OLR1: variants seen among roughly 807,000 people sequenced by gnomAD.
The protein encoded by OLR1 is oxidized low density lipoprotein receptor 1.
Under a neutral mutation model 31.7 loss-of-function variants are expected in OLR1, and 23 were observed. The ratio of observed to expected loss-of-function variants is 0.72; its 90% CI spans 0.52 to 1.03. The LOEUF (loss-of-function observed/expected upper bound fraction) is 1.03. Ranked by LOEUF, OLR1 falls within the 50% of genes least tolerant of loss-of-function variation. The pLI, the probability that OLR1 is intolerant of heterozygous loss-of-function variation, is 0.00. For missense variants in OLR1, 286 were observed against 315.7 expected (o/e 0.91, Z 0.71); for synonymous variants, 117 against 115.8 (o/e 1.01, Z -0.07).
At chr12:10,164,437 T>C (rs1430242246) in intron 3 of OLR1, among the ~76,000 whole-genome samples, 1 of 152,250 alleles carries the variant, frequency 6.6e-6, no homozygotes, top group Non-Finnish European at 1.5e-5. Flanking sequence ...ACAAAATTAC[T>C]TTTTATTATC....
intron 1 of OLR1, among the ~76,000 whole-genome samples, chr12:10,169,705 A>G (rs1484537349): frequency 6.6e-6 from 1 of 152,242 alleles, no homozygotes; most frequent in Non-Finnish European, 1.5e-5. Context: ...ATTTTATGCT[A>G]TTCAATTATG....
chr12:10,169,017 A>G, intron 2 of OLR1, 57 bp downstream of exon 2: 1 of 1,187,866 alleles, frequency 8.4e-7, no homozygotes, highest in East Asian at 2.4e-5. Context: ...ATATTTATTA[A>G]CCTCATTTCC....
At chr12:10,174,168 C>A (rs1948749373), upstream of OLR1, among the ~76,000 whole-genome samples, 1 of 152,148 alleles carries the variant, frequency 6.6e-6, no homozygotes, top group African/African-American at 2.4e-5. Flanking sequence ...TCAAGCAATT[C>A]TCCTGCCTCA....
chr12:10,160,549 AAAG>A, intron 4 of OLR1, 87 bp from the exon 5 acceptor site: 1 of 1,105,340 alleles, frequency 9.0e-7, no homozygotes, highest in Non-Finnish European at 1.3e-6. Flanking sequence ...CCACAAAACT[AAAG>A]AACCAAAAGG....
Position 10,166,870 on chromosome 12 carries a change from T to G in OLR1, c.266A>C (p.Gln89Pro). Residue 89 changes from glutamine (Q) to proline (P), a missense_variant, in exon 3 of 6, where the codon CAA (glutamine) becomes CCA (proline). Coordinates refer to ENST00000309539, the MANE Select transcript of OLR1 (RefSeq NM_002543.4). ...KKLEGQISAR[Q>P]QAEEASQESE... ...CTCCTGTGAAGCTTCTTCTGCTTGTTGCCGGGCTGAGATCTGTCCCTCCAG... is the reference window on the plus strand; with the variant it reads ...CTCCTGTGAAGCTTCTTCTGCTTGTGGCCGGGCTGAGATCTGTCCCTCCAG... The G allele has an allele frequency of 6.2e-7, 1 of 1,613,752 alleles. No individual in the cohort carries two copies. Among genetic ancestry groups the G allele is most frequent in the Admixed American group, 1.7e-5 (1 of 59,954 alleles).
upstream of OLR1, chr12:10,175,441 G>T (rs967442729): frequency 7.9e-5 from 12 of 152,062 alleles, no homozygotes; most frequent in African/African-American, 2.9e-4. Flanking sequence ...ATCAAGCAGA[G>T]GACCCAACTA....
chr12:10,160,609 G>C (rs1039229862), intron 4 of OLR1, 147 bp from the exon 5 acceptor site: 24 of 977,606 alleles, frequency 2.5e-5, no homozygotes, highest in Admixed American at 1.3e-4. Context: ...CTTACTGAAG[G>C]CTAGAGATAC....
chr12:10,162,282 T>A (rs1318240178), intron 3 of OLR1, among the ~76,000 whole-genome samples: 1 of 152,166 alleles, frequency 6.6e-6, no homozygotes, highest in Non-Finnish European at 1.5e-5. Flanking sequence ...AAAGGCAGCA[T>A]TTTAATTTCA....
At chr12:10,161,667 C>T (rs937666667) in intron 3 of OLR1, among the ~76,000 whole-genome samples, 1 of 152,072 alleles carries the variant, frequency 6.6e-6, no homozygotes, top group Non-Finnish European at 1.5e-5. Flanking sequence ...CTCAGCCTCC[C>T]AAAGTGCTGG....
At chr12:10,175,867 A>G (rs908802642), upstream of OLR1, among the ~76,000 whole-genome samples, 14 of 152,248 alleles carry the variant, frequency 9.2e-5, no homozygotes, top group African/African-American at 3.4e-4. Context: ...ATAGTTGGCC[A>G]CCTGACTTAG....
chr12:10,167,934 CT>C (rs1354562065), intron 2 of OLR1, among the ~76,000 whole-genome samples: 2 of 152,156 alleles, frequency 1.3e-5, no homozygotes, highest in African/African-American at 4.8e-5. Flanking sequence ...AGCTTTGATC[CT>C]GTTATAAGAT....
intron 1 of OLR1, 108 bp from the exon 2 acceptor site, chr12:10,169,283 G>C: frequency 1.5e-6 from 1 of 669,896 alleles, no homozygotes; most frequent in Non-Finnish European, 2.4e-6. Context: ...TTATGTTTTA[G>C]TAAATAGACA....
At chr12:10,170,928 C>T (rs914393740) in intron 1 of OLR1, 9 of 152,118 alleles carry the variant, frequency 5.9e-5, no homozygotes, top group African/African-American at 2.2e-4. Flanking sequence ...CAACTGCTGC[C>T]CCTACTAGTG....
intron 3 of OLR1, among the ~76,000 whole-genome samples, chr12:10,165,451 A>G (rs372159017): frequency 2.6e-5 from 4 of 152,080 alleles, no homozygotes; most frequent in East Asian, 3.9e-4. Context: ...ATCAAATAAA[A>G]TAAGTTGATG....
At chr12:10,174,610 G>T (rs1301309222), upstream of OLR1, among the ~76,000 whole-genome samples, 1 of 152,122 alleles carries the variant, frequency 6.6e-6, no homozygotes, top group Admixed American at 6.5e-5. Context: ...GAGTCTGGCA[G>T]CCCACACTCC....
At position 10,160,446 on chromosome 12, in the gene OLR1, G is replaced by T. The variant is rs1383711004; in HGVS notation, c.581C>A (p.Ala194Glu). The change falls in exon 5 of 6, where the codon GCA becomes GAA. Residue 194 changes from alanine to glutamate, a missense_variant. Physicochemically the swap from Ala to Glu is moderately radical, Grantham distance 107. Transcript: ENST00000309539. ...STADLDFIQQAISYSSFPFWM... is the reference protein window; with the variant it reads ...STADLDFIQQEISYSSFPFWM... ...GAATGGAAAACTGGAATAGGAAATT[G>T]CTTGCTGGATGAAGTCCTGTGGGGA... is the stretch of plus-strand genomic sequence containing the variant. 6.2e-7 allele frequency: 1 copy of T among 1,613,136 alleles called. No homozygotes were observed. The highest frequency in any genetic ancestry group is 1.3e-5 in the African/African-American group (1 of 75,008).
rs749120239 is a variant in OLR1, at chr12:10,160,870, C to T, written c.480G>A (p.Ser160=). The T allele has an allele frequency of 1.7e-5, 28 of 1,614,034 alleles. 1 individual carries two copies. The highest frequency in any genetic ancestry group is 3.3e-5 in the South Asian group (3 of 91,068). Residue 160 remains serine (S), a synonymous_variant, in exon 4 of 6, where the codon TCG becomes TCA. Transcript: ENST00000309539. ...WHGENCYLFS[S]GSFNWEKSQE... is the part of the protein sequence containing the mutation. ...GGCTCTTTTCCCAGTTAAATGAGCC[C>T]GAGGAAAATAGGTAACAGTTTTCTC...
In OLR1 at chr12:10,159,144, T is replaced by G. The variant is rs1948598434; in HGVS notation, c.*736A>C. On this transcript the variant is annotated 3_prime_UTR_variant, in exon 6 of 6. Coordinates refer to ENST00000309539, the MANE Select transcript of OLR1 (RefSeq NM_002543.4). ...TCTAACAAGAACTGTTGTGAAGGGT[T>G]AAATCTATTAATCTGTCCTCTGGTA... is the stretch of plus-strand genomic sequence containing the variant. 1 of 152,198 alleles carries G rather than the reference T, an allele frequency of 6.6e-6. No individual in the cohort carries two copies. The highest frequency in any genetic ancestry group is 2.1e-4 in the South Asian group (1 of 4,832). The allele number at this position is 152,198 out of a possible 1,614,324, so 9.4% of individuals were successfully genotyped here. A position where few individuals can be genotyped will look rare whatever the true frequency, so the allele number is the denominator to read the frequency against.
rs1185878383 is a variant in OLR1 at position 10,158,433 on chromosome 12, T to A, written c.*1447A>T. ...AGGGAATATTCAACATTTAAAAGAA[T>A]GAATTCATACGAGCATCAAGATGGA... On this transcript the variant is annotated 3_prime_UTR_variant, in exon 6 of 6. Coordinates refer to ENST00000309539, the MANE Select transcript of OLR1 (RefSeq NM_002543.4). The A allele has an allele frequency of 1.3e-5, 2 of 152,050 alleles. No homozygotes were observed. The highest frequency in any genetic ancestry group is 1.9e-4 in the East Asian group (1 of 5,200). The allele number at this position is 152,050 out of a possible 1,614,324, so 9.4% of individuals were successfully genotyped here. A position where few individuals can be genotyped will look rare whatever the true frequency, so the allele number is the denominator to read the frequency against.
Sources: gnomAD v4.1 joint callset for allele counts (sites outside exome capture counted in the v4.1 genomes callset) on GRCh38, gnomAD v4.1.1 for gene constraint, MANE v1.5 for transcripts, NCBI Gene and HGNC (gene_info 2026-07-23, HGNC 2026-07-21) for gene names.